The following NR2F6 variants were observed in gnomAD, a reference collection of about 807,000 sequenced individuals.
The protein encoded by NR2F6 is nuclear receptor subfamily 2 group F member 6.
NR2F6 carries 16 observed loss-of-function variants against 26.5 expected under a neutral mutation model. The observed-to-expected ratio is 0.60, with a 90% CI of 0.41 to 0.92. The LOEUF is 0.92. NR2F6 is among the 40% of genes least tolerant of loss of function. The pLI, the probability that NR2F6 is intolerant of heterozygous loss-of-function variation, is 0.00. For missense variants in NR2F6, 536 were observed against 631.7 expected, an observed-to-expected ratio of 0.85 and a Z score of 1.62; for synonymous variants, 325 against 305.0, an observed-to-expected ratio of 1.07 and a Z score of -0.68.
chr19:17,235,821 C>T lies in NR2F6; in HGVS notation c.618G>A (p.Ala206=). The change falls in exon 3 of 4, where the codon GCG becomes GCA. Residue 206 remains alanine (A), a synonymous_variant. Transcript: ENST00000291442. This position sits in a 1 kb window ranked among gnomAD's most constrained non-coding sequence, Gnocchi z 5.0. ...VLGIDNVCEL[A]ARLLFSTVEW... ...CCACGGTGCTGAAGAGCAGCCGCGC[C>T]GCCAGCTCGCACACGTTGTCGATGC... is the stretch of plus-strand genomic sequence containing the variant. The T allele has an allele frequency of 2.0e-6, 3 of 1,479,328 alleles. No individual in the cohort carries two copies. Among genetic ancestry groups the T allele is most frequent in the South Asian group, 1.3e-5 (1 of 78,242 alleles). 91.6% of individuals were successfully genotyped at this position (1,479,328 alleles called of 1,614,324 possible).
At chr19:17,239,450 A>G (rs2073457465) in intron 2 of NR2F6, among the ~76,000 whole-genome samples, 3 of 152,050 alleles carry the variant, frequency 2.0e-5, no homozygotes, top group Admixed American at 2.0e-4. Flanking sequence ...AGGTCAGGAG[A>G]TCGAGACCAT....
intron 3 of NR2F6, among the ~76,000 whole-genome samples, chr19:17,234,637 C>T (rs895547570): frequency 1.3e-5 from 2 of 151,944 alleles, no homozygotes; most frequent in Non-Finnish European, 2.9e-5. Context: ...CTGGTTGCGC[C>T]CAGAAGCTCA....
rs1481595238 is a variant in NR2F6 at position 17,235,146 on chromosome 19, GCTCA to G, written c.940+349_940+352del. 5.9e-5 allele frequency among the ~76,000 whole-genome samples: 9 copies of G among 152,232 alleles called. No individual in the cohort carries two copies. Among genetic ancestry groups the G allele is most frequent in the Admixed American group, 3.9e-4 (6 of 15,290 alleles). ...GTCCCCCCAACCTTGTGCTATCAGT[GCTCA>G]CTAAGCCTGAAGAGCCCTTTGGTGA... On this transcript the variant is annotated intron_variant, in intron 3 of 3. Transcript: ENST00000291442. This position sits in a 1 kb window ranked among gnomAD's most constrained non-coding sequence, Gnocchi z 5.0.
At chr19:17,240,358 C>T (rs1186025579) in intron 2 of NR2F6, among the ~76,000 whole-genome samples, 1 of 152,234 alleles carries the variant, frequency 6.6e-6, no homozygotes, top group Non-Finnish European at 1.5e-5. Flanking sequence ...TTGGGGAAGG[C>T]AGCTCCTGCA....
chr19:17,244,661 G>C (rs2073486878), intron 1 of NR2F6, among the ~76,000 whole-genome samples: 1 of 152,126 alleles, frequency 6.6e-6, no homozygotes, highest in African/African-American at 2.4e-5. Flanking sequence ...GCGCGGAGAT[G>C]ACCCCTCCCC....
intron 3 of NR2F6, among the ~76,000 whole-genome samples, chr19:17,234,578 A>C (rs1045169343): frequency 4.6e-5 from 7 of 152,116 alleles, no homozygotes; most frequent in Non-Finnish European, 1.5e-5. Context: ...GTCTAAAGGC[A>C]TGGTGGCTTA....
At chr19:17,243,690 C>T (rs1175682331) in intron 1 of NR2F6, among the ~76,000 whole-genome samples, 1 of 152,212 alleles carries the variant, frequency 6.6e-6, no homozygotes, top group Non-Finnish European at 1.5e-5. Context: ...TGACCCGGGA[C>T]CTGGGGCCAA....
At chr19:17,240,787 G>A in intron 1 of NR2F6, 22 bp from the exon 2 acceptor site, 1 of 1,611,048 alleles carries the variant, frequency 6.2e-7, no homozygotes, top group Non-Finnish European at 8.5e-7. Context: ...CAGAAGCCAG[G>A]GCTCCCTGAG....
intron 2 of NR2F6, among the ~76,000 whole-genome samples, chr19:17,240,183 G>A (rs2073461527): frequency 6.6e-6 from 1 of 152,230 alleles, no homozygotes; most frequent in African/African-American, 2.4e-5. Flanking sequence ...ATCGGGCAGA[G>A]TTCCTGCCTT....
At chr19:17,238,257 C>T (rs1457877893) in intron 2 of NR2F6, among the ~76,000 whole-genome samples, 3 of 152,146 alleles carry the variant, frequency 2.0e-5, no homozygotes, top group Non-Finnish European at 2.9e-5. Flanking sequence ...CTACTGTGTA[C>T]CAAGCCCTGG....
intron 2 of NR2F6, among the ~76,000 whole-genome samples, chr19:17,238,509 T>C (rs539461055): frequency 3.3e-5 from 5 of 152,142 alleles, no homozygotes; most frequent in Non-Finnish European, 5.9e-5. Context: ...CCGAGGCAGG[T>C]GTGCTTAAAG....
chr19:17,232,671 A>T, intron 3 of NR2F6, 45 bp from the exon 4 acceptor site: 1 of 1,507,908 alleles, frequency 6.6e-7, no homozygotes, highest in South Asian at 1.3e-5. Context: ...GCAGCTAGAG[A>T]ACACAGAGCC....
At chr19:17,237,129 G>A (rs1490903363) in intron 2 of NR2F6, among the ~76,000 whole-genome samples, 1 of 152,194 alleles carries the variant, frequency 6.6e-6, no homozygotes, top group African/African-American at 2.4e-5. Context: ...AGAAGCCAGG[G>A]GCGAACAGAG....
rs767000700 is a variant in NR2F6 at position 17,232,632 on chromosome 19, G to A, written c.941-6C>T. On this transcript the variant is annotated splice_region_variant and splice_polypyrimidine_tract_variant and intron_variant, in intron 3 of 3. Transcript: ENST00000291442. Reference sequence around the variant, plus strand: ...GTCTGAGAGGCCACAGGCGTCTAGGGGGACAAAGGCAAGTCAGACAGGTGG... The same window carrying A: ...GTCTGAGAGGCCACAGGCGTCTAGGAGGACAAAGGCAAGTCAGACAGGTGG... The A allele has an allele frequency of 2.6e-6, 4 of 1,526,804 alleles. No homozygotes were observed. Among genetic ancestry groups the A allele is most frequent in the African/African-American group, 1.4e-5 (1 of 72,312 alleles). 94.6% of individuals were successfully genotyped at this position (1,526,804 alleles called of 1,614,324 possible).
chr19:17,235,386 G>A lies in NR2F6; in HGVS notation c.940+113C>T. ...CACTCACGGCGCGTGCAGGGCCCCA[G>A]GCCTAGGGAGCGAGCGGGGCGCTAT... On this transcript the variant is annotated intron_variant, in intron 3 of 3. Transcript: ENST00000291442. The surrounding 1 kb of genome is among the most constrained non-coding windows in gnomAD (Gnocchi z 5.0). 2 of 1,487,736 alleles carry A rather than the reference G, an allele frequency of 1.3e-6. No individual in the cohort carries two copies. The highest frequency in any genetic ancestry group is 1.3e-5 in the South Asian group (1 of 76,326). 92.2% of individuals were successfully genotyped at this position (1,487,736 alleles called of 1,614,324 possible). A position where few individuals can be genotyped will look rare whatever the true frequency, so the allele number is the denominator to read the frequency against.
At chr19:17,234,000 A>G (rs1379853848) in intron 3 of NR2F6, among the ~76,000 whole-genome samples, 1 of 151,726 alleles carries the variant, frequency 6.6e-6, no homozygotes, top group African/African-American at 2.4e-5. Flanking sequence ...TGAGGCGGGC[A>G]GATCATGAGG....
intron 3 of NR2F6, among the ~76,000 whole-genome samples, chr19:17,233,382 G>C (rs751454961): frequency 1.4e-4 from 22 of 152,156 alleles, no homozygotes; most frequent in Non-Finnish European, 2.6e-4. Context: ...GACTATCTAA[G>C]ACTGTGTCGA....
Position 17,236,068 on chromosome 19 carries a change from G to A in NR2F6, c.374-3C>T. 7.9e-7 allele frequency: 1 copy of A among 1,268,858 alleles called. No homozygotes were observed. Among genetic ancestry groups the A allele is most frequent in the Admixed American group, 4.4e-5 (1 of 22,512 alleles). The allele number at this position is 1,268,858 out of a possible 1,614,324, so 78.6% of individuals were successfully genotyped here. On this transcript the variant is annotated splice_polypyrimidine_tract_variant and splice_region_variant and intron_variant, in intron 2 of 3. Transcript: ENST00000291442. ...CGGGATGCGGCCGCGCTGCACCGCTGCGGGAGGCGGGGACAGGAGGGACAT... is the reference window on the plus strand; with the variant it reads ...CGGGATGCGGCCGCGCTGCACCGCTACGGGAGGCGGGGACAGGAGGGACAT...
chr19:17,233,843 T>C (rs1275761127), intron 3 of NR2F6, among the ~76,000 whole-genome samples: 3 of 151,630 alleles, frequency 2.0e-5, no homozygotes, highest in Non-Finnish European at 4.4e-5. Context: ...GGAAGGGAAT[T>C]TGATGAGGAA....
Sources: gnomAD v4.1 joint callset for allele counts (sites outside exome capture counted in the v4.1 genomes callset) on GRCh38, gnomAD v4.1.1 for gene constraint, Gnocchi (gnomAD v3.1) non-coding constraint, MANE v1.5 for transcripts, NCBI Gene and HGNC (gene_info 2026-07-23, HGNC 2026-07-21) for gene names.